The following PTPRD variants were observed in gnomAD, a reference collection of about 807,000 sequenced individuals.
The protein encoded by PTPRD is receptor-type tyrosine-protein phosphatase delta.
PTPRD carries 34 observed loss-of-function variants against 214.5 expected under a neutral mutation model. That is an observed-to-expected ratio of 0.16 (90% CI 0.12 to 0.21). PTPRD has a LOEUF of 0.21. Ranked by LOEUF, PTPRD falls within the 10% of genes least tolerant of loss-of-function variation. The pLI is 1.00. For synonymous variants in PTPRD, 1,128 were observed against 845.7 expected, an observed-to-expected ratio of 1.33 and a Z score of -5.79; for missense variants, 2,545 against 2,398.7, an observed-to-expected ratio of 1.06 and a Z score of -1.27.
At chr9:9,207,067 A>G (rs1360174320) in intron 9 of PTPRD, among the ~76,000 whole-genome samples, 1 of 152,184 alleles carries the variant, frequency 6.6e-6, no homozygotes, top group Non-Finnish European at 1.5e-5. Context: ...ATTTATTTTG[A>G]AAGTAGAGCC....
At chr9:10,197,348 T>C (rs991406773) in intron 3 of PTPRD, among the ~76,000 whole-genome samples, 5 of 152,186 alleles carry the variant, frequency 3.3e-5, no homozygotes, top group Non-Finnish European at 7.3e-5. Flanking sequence ...CAGCCATGTA[T>C]ACCGAGGATG....
intron 11 of PTPRD, among the ~76,000 whole-genome samples, chr9:8,992,539 G>C (rs1223041371): frequency 1.3e-5 from 2 of 152,120 alleles, no homozygotes; most frequent in Admixed American, 6.6e-5. Flanking sequence ...ATTAATACTA[G>C]AGGTTTGGTT....
At chr9:8,960,262 G>A (rs2099152004) in intron 11 of PTPRD, among the ~76,000 whole-genome samples, 1 of 152,058 alleles carries the variant, frequency 6.6e-6, no homozygotes, top group Non-Finnish European at 1.5e-5. Flanking sequence ...GGCAAACACT[G>A]AGAAATATTA....
At chr9:9,070,408 G>C (rs2099742080) in intron 10 of PTPRD, among the ~76,000 whole-genome samples, 1 of 151,974 alleles carries the variant, frequency 6.6e-6, no homozygotes, top group South Asian at 2.1e-4. Context: ...TTTTCTTTGA[G>C]CATAGGTAGC....
intron 35 of PTPRD, among the ~76,000 whole-genome samples, chr9:8,419,693 G>C (rs532696189): frequency 6.6e-6 from 1 of 151,460 alleles, no homozygotes; most frequent in Non-Finnish European, 1.5e-5. Context: ...GGGGAATTTT[G>C]GATGAAATTA....
At chr9:8,387,558 A>G (rs2087589568) in intron 37 of PTPRD, among the ~76,000 whole-genome samples, 1 of 152,166 alleles carries the variant, frequency 6.6e-6, no homozygotes, top group African/African-American at 2.4e-5. Context: ...GGTAGGTTGG[A>G]TTTACATGCA....
chr9:8,524,963 C>T lies in PTPRD; in HGVS notation c.641G>A (p.Gly214Asp), dbSNP rs2139187554. ...ATTGGCAGGAGCGGAATAGCGAGTG[C>T]CCGCGCTGTTGGTGGCAACACACTC... is the stretch of plus-strand genomic sequence containing the variant. ...KYECVATNSAGTRYSAPANLY... is the reference protein window; with the variant it reads ...KYECVATNSADTRYSAPANLY... Residue 214 changes from glycine to aspartate, a missense_variant, in exon 18 of 46, where the codon GGC (glycine) becomes GAC (aspartate). Gly to Asp is a moderately conservative substitution (Grantham distance 94). Transcript: ENST00000381196. 6.2e-7 allele frequency: 1 copy of T among 1,613,676 alleles called. No individual in the cohort carries two copies. The highest frequency in any genetic ancestry group is 8.5e-7 in the Non-Finnish European group (1 of 1,179,720).
intron 39 of PTPRD, among the ~76,000 whole-genome samples, chr9:8,363,427 G>C (rs1450881464): frequency 6.6e-6 from 1 of 152,116 alleles, no homozygotes; most frequent in Non-Finnish European, 1.5e-5. Flanking sequence ...GGGGTAGTTA[G>C]GGATTCAAGA....
chr9:8,879,560 A>C (rs893215997), intron 11 of PTPRD, among the ~76,000 whole-genome samples: 1 of 152,148 alleles, frequency 6.6e-6, no homozygotes, highest in Non-Finnish European at 1.5e-5. Context: ...TTATTTTAGT[A>C]TTGGAGGTCC....
intron 10 of PTPRD, among the ~76,000 whole-genome samples, chr9:9,149,833 G>A (rs1378363164): frequency 1.3e-5 from 2 of 152,176 alleles, no homozygotes; most frequent in Non-Finnish European, 2.9e-5. Flanking sequence ...GTTCCTTCAT[G>A]AGGGCGTATC....
chr9:9,191,652 A>T (rs2099935268), intron 9 of PTPRD, among the ~76,000 whole-genome samples: 1 of 152,060 alleles, frequency 6.6e-6, no homozygotes, highest in Non-Finnish European at 1.5e-5. Flanking sequence ...CTGAAGTTGA[A>T]AGCAATGCTG....
At chr9:9,827,140 G>A (rs2053175880) in intron 5 of PTPRD, among the ~76,000 whole-genome samples, 1 of 152,058 alleles carries the variant, frequency 6.6e-6, no homozygotes, top group South Asian at 2.1e-4. Flanking sequence ...TTTCTTCACA[G>A]AATTGGAAAA....
At chr9:9,014,861 T>C (rs1157773286) in intron 11 of PTPRD, among the ~76,000 whole-genome samples, 2 of 152,186 alleles carry the variant, frequency 1.3e-5, no homozygotes, top group African/African-American at 4.8e-5. Flanking sequence ...TTTTTCAACA[T>C]TATTTATTCT....
At chr9:10,206,694 A>G (rs919855482) in intron 3 of PTPRD, among the ~76,000 whole-genome samples, 1 of 152,172 alleles carries the variant, frequency 6.6e-6, no homozygotes, top group Non-Finnish European at 1.5e-5. Context: ...TATAGTTTGA[A>G]TTATATTTGT....
intron 14 of PTPRD, among the ~76,000 whole-genome samples, chr9:8,628,599 C>T (rs1396026896): frequency 7.1e-6 from 1 of 141,012 alleles, no homozygotes; most frequent in Non-Finnish European, 1.5e-5. Flanking sequence ...AAGGCCTTCC[C>T]AATGCATATC....
chr9:10,233,577 AC>A (rs1406761689), intron 3 of PTPRD, among the ~76,000 whole-genome samples: 1 of 152,032 alleles, frequency 6.6e-6, no homozygotes, highest in Non-Finnish European at 1.5e-5. Context: ...TATGAGCAAT[AC>A]CAAGAAATGA....
intron 34 of PTPRD, among the ~76,000 whole-genome samples, chr9:8,439,738 T>C (rs1368696329): frequency 1.3e-5 from 2 of 151,840 alleles, no homozygotes; most frequent in Non-Finnish European, 2.9e-5. Context: ...CTGCCCAATA[T>C]TGAAAAAAAA....
At chr9:10,462,156 C>A (rs1019712353) in intron 2 of PTPRD, among the ~76,000 whole-genome samples, 3 of 151,912 alleles carry the variant, frequency 2.0e-5, no homozygotes, top group Admixed American at 6.6e-5. Context: ...ATTATAGCTG[C>A]TTTTGTCACA....
chr9:10,431,244 G>A (rs559371145), intron 2 of PTPRD, among the ~76,000 whole-genome samples: 7 of 152,200 alleles, frequency 4.6e-5, no homozygotes, highest in Non-Finnish European at 1.0e-4. Context: ...GTAGAAAGCT[G>A]AAACTGGATC....
Sources: allele counts gnomAD v4.1 joint callset (sites outside exome capture counted in the v4.1 genomes callset), GRCh38; gene constraint gnomAD v4.1.1; transcripts MANE v1.5; gene names NCBI Gene and HGNC (gene_info 2026-07-23, HGNC 2026-07-21).